DYSF: variants seen among roughly 807,000 people sequenced by gnomAD.
The protein encoded by DYSF is dystrophy-associated fer-1-like 1.
Under a neutral mutation model 274.9 loss-of-function variants are expected in DYSF, and 212 were observed. That is an observed-to-expected ratio of 0.77 (90% confidence interval 0.69 to 0.86). The LOEUF is 0.86. Among genes scored for constraint, DYSF ranks in the 40% least tolerant of loss-of-function variants. The probability of loss-of-function intolerance (pLI) is 0.00; values close to 1 mark genes in which losing one functional copy is unlikely to be tolerated. For synonymous variants in DYSF, 1,091 were observed against 1,078.7 expected (o/e 1.01, Z -0.22); for missense variants, 2,666 against 2,783.2 (o/e 0.96, Z 0.95).
intron 51 of DYSF, among the ~76,000 whole-genome samples, chr2:71,672,051 G>A (rs1169290316): frequency 3.3e-5 from 5 of 152,184 alleles, no homozygotes; most frequent in East Asian, 3.9e-4. Context: ...GACGTTCTCC[G>A]TGATGCCAGA....
chr2:71,649,511 A>G (rs983073363), intron 42 of DYSF, among the ~76,000 whole-genome samples: 27 of 152,144 alleles, frequency 1.8e-4, no homozygotes, highest in African/African-American at 6.3e-4. Context: ...TATTATTGCT[A>G]CAGTAGGGAC....
chr2:71,570,417 C>A (rs1466029815), intron 28 of DYSF, 83 bp downstream of exon 28: 9 of 1,485,030 alleles, frequency 6.1e-6, no homozygotes, highest in South Asian at 3.4e-5. Context: ...ATGCCAGGGC[C>A]CTTCACTGGG....
At chr2:71,599,370 A>T (rs2093487303) in intron 33 of DYSF, among the ~76,000 whole-genome samples, 1 of 152,256 alleles carries the variant, frequency 6.6e-6, no homozygotes, top group Non-Finnish European at 1.5e-5. Flanking sequence ...GAAATTGTAA[A>T]TTTTATTTCA....
At chr2:71,578,999 C>T (rs1328421835) in intron 30 of DYSF, among the ~76,000 whole-genome samples, 1 of 152,180 alleles carries the variant, frequency 6.6e-6, no homozygotes, top group Non-Finnish European at 1.5e-5. Flanking sequence ...TCCAAAGACA[C>T]CGGGTTTCAT....
intron 50 of DYSF, 62 bp downstream of exon 50, chr2:71,669,269 T>C: frequency 7.3e-7 from 1 of 1,376,530 alleles, no homozygotes; most frequent in Non-Finnish European, 1.0e-6. Flanking sequence ...CCCTCTGGGT[T>C]GTGCACAGCA....
chr2:71,453,883 G>T (rs1456179199), exon 1 of DYSF: 1 of 1,031,778 alleles, frequency 9.7e-7, no homozygotes, highest in African/African-American at 1.6e-5. Flanking sequence ...GATTCGAGCC[G>T]GCCTCGCCCA....
chr2:71,642,304 A>C (rs961880799), intron 41 of DYSF, among the ~76,000 whole-genome samples: 1 of 152,160 alleles, frequency 6.6e-6, no homozygotes, highest in African/African-American at 2.4e-5. Flanking sequence ...CAGTATGTGC[A>C]GTTGTGTGTT....
At chr2:71,608,934 GTT>G (rs373998170) in intron 36 of DYSF, among the ~76,000 whole-genome samples, 12 of 146,802 alleles carry the variant, frequency 8.2e-5, no homozygotes, top group African/African-American at 1.2e-4. Context: ...CTCCCTGATG[GTT>G]TTTTTTTTTG....
intron 1 of DYSF, among the ~76,000 whole-genome samples, chr2:71,479,093 C>A (rs1416315750): frequency 6.6e-6 from 1 of 150,720 alleles, no homozygotes; most frequent in East Asian, 2.0e-4. Context: ...GCTGAGCCAT[C>A]CAGGTGGAGA....
chr2:71,613,441 G>A (rs1284613669), intron 40 of DYSF, 31 bp downstream of exon 40: 2 of 1,582,912 alleles, frequency 1.3e-6, no homozygotes, highest in Admixed American at 1.7e-5. Context: ...GGAGGCCTGG[G>A]TCACCTTTCC....
At chr2:71,482,015 T>G (rs1239608139) in intron 3 of DYSF, 45 bp downstream of exon 3, 1 of 1,531,954 alleles carries the variant, frequency 6.5e-7, no homozygotes, top group Non-Finnish European at 9.0e-7. Context: ...AAGGTGCAGG[T>G]AGGATTGTGG....
chr2:71,620,296 G>T (rs1439485127), intron 40 of DYSF, among the ~76,000 whole-genome samples: 2 of 152,194 alleles, frequency 1.3e-5, no homozygotes, highest in African/African-American at 4.8e-5. Context: ...CATACTCACT[G>T]TCGCCCTGTG....
chr2:71,492,722 C>T (rs1233876660), intron 3 of DYSF, among the ~76,000 whole-genome samples: 1 of 120,670 alleles, frequency 8.3e-6, no homozygotes, highest in Admixed American at 9.7e-5. Flanking sequence ...TTCTTTCTCT[C>T]GTCTCTCCCT....
At chr2:71,611,776 T>G in intron 38 of DYSF, 150 bp downstream of exon 38, 1 of 1,088,328 alleles carries the variant, frequency 9.2e-7, no homozygotes, top group Non-Finnish European at 1.3e-6. Context: ...GAAATGCTCA[T>G]ACCCTCCTCA....
At chr2:71,644,115 T>G (rs757583145) in intron 42 of DYSF, 52 bp downstream of exon 42, 1 of 1,423,382 alleles carries the variant, frequency 7.0e-7, no homozygotes, top group East Asian at 2.3e-5. Flanking sequence ...TACTGGGCAG[T>G]GGGAGACACA....
In DYSF at chr2:71,570,849, T is replaced by C. The variant is rs1011064828; in HGVS notation, c.3228+108T>C. ...GACACATGCATGTGTGCACACAGCA[T>C]GCACAGACACCTGGGACTCACTGGA... On this transcript the variant is annotated intron_variant, in intron 29 of 55. Transcript: ENST00000410020. 7 of 1,490,244 alleles carry C rather than the reference T, an allele frequency of 4.7e-6. No homozygotes were observed. The African/African-American group carries it at 8.3e-5, about 18-fold the overall frequency. The allele number at this position is 1,490,244 out of a possible 1,614,324, so 92.3% of individuals were successfully genotyped here.
intron 2 of DYSF, 73 bp from the exon 3 acceptor site, chr2:71,481,806 C>T (rs1050437540): frequency 1.5e-5 from 19 of 1,292,252 alleles, no homozygotes; most frequent in Admixed American, 5.5e-5. Flanking sequence ...CCTGGTGGCA[C>T]GAAGGTGAAC....
At chr2:71,655,339 G>A (rs1397355422) in intron 42 of DYSF, among the ~76,000 whole-genome samples, 1 of 152,110 alleles carries the variant, frequency 6.6e-6, no homozygotes, top group Non-Finnish European at 1.5e-5. Flanking sequence ...TATTAGAAAA[G>A]ATAGAACTTG....
At chr2:71,515,479 A>G (rs1481554094) in intron 7 of DYSF, 144 bp from the exon 8 acceptor site, 1 of 1,218,814 alleles carries the variant, frequency 8.2e-7, no homozygotes, top group African/African-American at 1.5e-5. Context: ...AGTTCGTATA[A>G]TGCTCTTCCT....
Sources: allele counts gnomAD v4.1 joint callset (sites outside exome capture counted in the v4.1 genomes callset), GRCh38; gene constraint gnomAD v4.1.1; transcripts MANE v1.5; gene names NCBI Gene and HGNC (gene_info 2026-07-23, HGNC 2026-07-21).